Variants in CHORDC1 observed in about 807,000 individuals in gnomAD.
CHORDC1 encodes cysteine and histidine-rich domain-containing protein 1.
In CHORDC1, 25 loss-of-function variants were observed where a neutral mutation model predicts 48.3. The observed-to-expected ratio is 0.52, with a 90% CI of 0.38 to 0.72. The LOEUF (loss-of-function observed/expected upper bound fraction) is 0.72. Ranked by LOEUF, CHORDC1 falls within the 30% of genes least tolerant of loss-of-function variation. The pLI, the probability that CHORDC1 is intolerant of heterozygous loss-of-function variation, is 0.00. For missense variants in CHORDC1, 317 were observed against 388.7 expected (o/e 0.82, Z 1.55); for synonymous variants, 128 against 126.4 (o/e 1.01, Z -0.09).
chr11:90,204,666 A>G (rs1857625417), intron 8 of CHORDC1, among the ~76,000 whole-genome samples: 1 of 152,022 alleles, frequency 6.6e-6, no homozygotes, highest in Non-Finnish European at 1.5e-5. Context: ...GGTTGCAGTG[A>G]GCCTGCACTG....
intron 3 of CHORDC1, among the ~76,000 whole-genome samples, chr11:90,214,874 TC>T (rs1262661738): frequency 2.0e-5 from 3 of 152,076 alleles, no homozygotes; most frequent in Admixed American, 6.5e-5. Flanking sequence ...ACTTTATCGT[TC>T]CTAACTGAAA....
chr11:90,203,518 C>T, intron 8 of CHORDC1, 91 bp from the exon 9 acceptor site: 2 of 1,230,088 alleles, frequency 1.6e-6, no homozygotes, highest in Non-Finnish European at 2.2e-6. Flanking sequence ...GAAAAAACTA[C>T]CATGCACAAC....
At chr11:90,220,547 T>A (rs148722664) in intron 1 of CHORDC1, among the ~76,000 whole-genome samples, 1,793 of 152,276 alleles carry the variant, frequency 0.012, 47 homozygotes, top group Admixed American at 0.069. Context: ...GTCAGAGGCA[T>A]AAAATGTCAC....
Position 90,206,357 on chromosome 11 carries a change from C to T in CHORDC1, c.493-85G>A, listed in dbSNP as rs181770618. On this transcript the variant is annotated intron_variant, in intron 6 of 10. Coordinates refer to ENST00000320585, the MANE Select transcript of CHORDC1 (RefSeq NM_012124.3). The stretch of plus-strand genomic sequence containing the variant: ...ATATTTGCAGTATTGGTGACCTCTA[C>T]GAACTTTGCAAAATACTTAAATGAC... 44 of 754,928 alleles carry T rather than the reference C, an allele frequency of 5.8e-5. No individual in the cohort carries two copies. The Admixed American group carries it at 6.4e-4, about 11-fold the overall frequency. The allele number at this position is 754,928 out of a possible 1,614,324, so 46.8% of individuals were successfully genotyped here.
At chr11:90,219,514 T>C (rs1325586544) in intron 1 of CHORDC1, among the ~76,000 whole-genome samples, 1 of 152,136 alleles carries the variant, frequency 6.6e-6, no homozygotes, top group Non-Finnish European at 1.5e-5. Context: ...GGCTAGAAGG[T>C]TGTGAGTCTA....
In CHORDC1 at chr11:90,218,156, CG is replaced by C. The variant is rs1565173019; in HGVS notation, c.92del (p.Pro31ArgfsTer7). 2.5e-6 allele frequency: 4 copies of C among 1,571,200 alleles called. No homozygotes were observed. Among genetic ancestry groups the C allele is most frequent in the Non-Finnish European group, 2.6e-6 (3 of 1,165,060 alleles). ...DDACTYHPGVPVFHDALKGWS... is the reference protein window; with the variant it reads ...DDACTYHPGVXVFHDALKGWS... ...CTACCTTTAATGCATCGTGAAAGAC[CG>C]GAACACCTGGGTGGTATGTGCAAGC... On this transcript the variant is annotated frameshift_variant, in exon 2 of 11. Coordinates refer to ENST00000320585, the MANE Select transcript of CHORDC1 (RefSeq NM_012124.3). LOFTEE classifies it high-confidence loss of function.
intron 6 of CHORDC1, chr11:90,208,911 G>A (rs972855034): frequency 1.3e-5 from 2 of 152,112 alleles, no homozygotes; most frequent in African/African-American, 4.8e-5. Flanking sequence ...ACCCTTTTAG[G>A]ATCTGGCCAG....
chr11:90,212,785 C>T (rs1257737003), intron 4 of CHORDC1: 1 of 144,966 alleles, frequency 6.9e-6, no homozygotes. Flanking sequence ...GAGCACACCA[C>T]CAAACCCAGC....
chr11:90,207,804 T>C (rs1255033493), intron 6 of CHORDC1: 2 of 94,010 alleles, frequency 2.1e-5, no homozygotes. Context: ...TAACAAAATG[T>C]TAAGAAACCA....
rs773723718 is a variant in CHORDC1, at chr11:90,205,529, A to C, written c.600T>G (p.Ser200=). 1.4e-5 allele frequency: 23 copies of C among 1,602,106 alleles called. No homozygotes were observed. Among genetic ancestry groups the C allele is most frequent in the Middle Eastern group, 3.3e-4 (2 of 6,036 alleles). Residue 200 remains serine (S), a synonymous_variant, in exon 8 of 11, where the codon TCT becomes TCG. Transcript: ENST00000320585. ...CTTGGGCTAAGAATGTATTAAAATC[A>C]GAAGTTTTTCTTCTACAACAGCTCC... ...KYWSCCRRKT[S]DFNTFLAQEG...
chr11:90,203,085 T>TA (rs1290100238), intron 9 of CHORDC1, among the ~76,000 whole-genome samples: 1 of 152,176 alleles, frequency 6.6e-6, no homozygotes, highest in South Asian at 2.1e-4. Context: ...TATTACTTGA[T>TA]AAATCTACTA....
At chr11:90,220,605 A>AC (rs1451133260) in intron 1 of CHORDC1, among the ~76,000 whole-genome samples, 3 of 152,216 alleles carry the variant, frequency 2.0e-5, no homozygotes, top group African/African-American at 4.8e-5. Context: ...TCAGATCTGA[A>AC]CCATACAACT....
At chr11:90,210,855 G>T in intron 5 of CHORDC1, 1 of 388,568 alleles carries the variant, frequency 2.6e-6, no homozygotes, top group Non-Finnish European at 4.5e-6. Flanking sequence ...AATCATGAAA[G>T]GGTGTTTTCC....
intron 1 of CHORDC1, among the ~76,000 whole-genome samples, chr11:90,219,957 C>T (rs1187125508): frequency 6.6e-6 from 1 of 152,212 alleles, no homozygotes; most frequent in African/African-American, 2.4e-5. Flanking sequence ...CTACAACAAC[C>T]TTGTCCAACA....
chr11:90,216,037 AG>A (rs1858004602), intron 2 of CHORDC1, among the ~76,000 whole-genome samples: 1 of 152,094 alleles, frequency 6.6e-6, no homozygotes, highest in African/African-American at 2.4e-5. Flanking sequence ...TTTTCTTTAA[AG>A]GTAATTTCAA....
At chr11:90,202,949 A>C in intron 9 of CHORDC1, 74 bp from the exon 10 acceptor site, 1 of 1,464,270 alleles carries the variant, frequency 6.8e-7, no homozygotes, top group Non-Finnish European at 9.1e-7. Flanking sequence ...GATTATAAAA[A>C]TAAGACTGAC....
At chr11:90,222,104 T>C (rs796989910) in intron 1 of CHORDC1, among the ~76,000 whole-genome samples, 20 of 152,350 alleles carry the variant, frequency 1.3e-4, no homozygotes, top group African/African-American at 4.3e-4. Flanking sequence ...CTCACTTCTT[T>C]GTCAATCAAA....
chr11:90,203,560 C>T, intron 8 of CHORDC1, 133 bp from the exon 9 acceptor site: 1 of 653,532 alleles, frequency 1.5e-6, no homozygotes, highest in Non-Finnish European at 2.4e-6. Context: ...GGGCAAAAAA[C>T]TTCTATATTT....
In CHORDC1 at chr11:90,210,857, G is replaced by A. The variant is rs540518982; in HGVS notation, c.434-263C>T. 4 of 385,346 alleles carry A rather than the reference G, an allele frequency of 1.0e-5. No homozygotes were observed. The South Asian group carries it at 1.9e-4, about 18-fold the overall frequency. 23.9% of individuals were successfully genotyped at this position (385,346 alleles called of 1,614,324 possible). On this transcript the variant is annotated intron_variant, in intron 5 of 10. Coordinates refer to ENST00000320585, the MANE Select transcript of CHORDC1 (RefSeq NM_012124.3). ...ACTTTGTAAAATAAATCATGAAAGG[G>A]TGTTTTCCTCCCATGGTACCAGGTA...
Sources: gnomAD v4.1 joint callset for allele counts (sites outside exome capture counted in the v4.1 genomes callset) on GRCh38, gnomAD v4.1.1 for gene constraint, MANE v1.5 for transcripts, NCBI Gene and HGNC (gene_info 2026-07-23, HGNC 2026-07-21) for gene names.